Variants in METTL21C observed in about 807,000 individuals in gnomAD.
METTL21C encodes protein-lysine methyltransferase METTL21C.
METTL21C carries 21 observed loss-of-function variants against 25.9 expected under a neutral mutation model. That is an observed-to-expected ratio of 0.81 (90% CI 0.58 to 1.17). The LOEUF (loss-of-function observed/expected upper bound fraction) is 1.17. Ranked by LOEUF, METTL21C falls within the 50% of genes most tolerant of loss-of-function variation. METTL21C has a pLI of 0.00. For missense variants in METTL21C, 312 were observed against 315.1 expected, an observed-to-expected ratio of 0.99 and a Z score of 0.07; for synonymous variants, 125 against 124.7, an observed-to-expected ratio of 1.00 and a Z score of -0.01.
At chr13:102,693,023 C>T (rs1460427082) in intron 1 of METTL21C, among the ~76,000 whole-genome samples, 3 of 152,222 alleles carry the variant, frequency 2.0e-5, no homozygotes, top group East Asian at 3.9e-4. Context: ...GGGGAAGAAG[C>T]GGTGATTGAC....
chr13:102,693,676 C>A (rs1240018893), intron 1 of METTL21C, among the ~76,000 whole-genome samples: 1 of 152,186 alleles, frequency 6.6e-6, no homozygotes, highest in Non-Finnish European at 1.5e-5. Context: ...GGTTCTACAA[C>A]GATAAAGAAA....
At chr13:102,695,684 A>G (rs564016600), upstream of METTL21C, among the ~76,000 whole-genome samples, 1 of 152,264 alleles carries the variant, frequency 6.6e-6, no homozygotes, top group South Asian at 2.1e-4. Flanking sequence ...GGTCCCATGT[A>G]AATCACCTTT....
chr13:102,686,176 G>A lies in METTL21C; in HGVS notation c.650C>T (p.Thr217Met), dbSNP rs771871190. 20 of 1,614,072 alleles carry A rather than the reference G, an allele frequency of 1.2e-5. No individual in the cohort carries two copies. The highest frequency in any genetic ancestry group is 2.2e-5 in the South Asian group (2 of 91,084). ...GAATTTGTTTGCCCAAAGCAGCACC[G>A]TCCCTGGCTGGGAAAGGTACACCAT... ...TTMVYLSQPG[T>M]VLLWANKFRF... Residue 217 changes from threonine (T) to methionine (M), a missense_variant, in exon 4 of 4, where the codon ACG (threonine) becomes ATG (methionine). Physicochemically the swap from Thr to Met is moderately conservative, Grantham distance 81. Coordinates refer to ENST00000267273, the MANE Select transcript of METTL21C (RefSeq NM_001010977.3).
At chr13:102,702,334 A>G in the METTL21C span, among the ~76,000 whole-genome samples, 1 of 152,252 alleles carries the variant, frequency 6.6e-6, no homozygotes, top group African/African-American at 2.4e-5. Context: ...AATGGAGGAA[A>G]ATTACAAAGA....
the METTL21C span, among the ~76,000 whole-genome samples, chr13:102,700,170 G>A: frequency 6.6e-6 from 1 of 152,182 alleles, no homozygotes; most frequent in Non-Finnish European, 1.5e-5. Context: ...AAACAGCAGT[G>A]AAGTTATAGT....
rs1223744126 is a variant in METTL21C, at chr13:102,694,991, A to T, written c.-493T>A. Among the ~76,000 whole-genome samples the T allele has an allele frequency of 6.6e-6, 1 of 152,128 alleles. No homozygotes were observed. Among genetic ancestry groups the T allele is most frequent in the Non-Finnish European group, 1.5e-5 (1 of 68,028 alleles). Reference sequence around the variant, plus strand: ...AAAGTTTCAGGAATATCACTGGAACAGAACAGAGGCTGCCCCTGTGGCATC... The same window carrying T: ...AAAGTTTCAGGAATATCACTGGAACTGAACAGAGGCTGCCCCTGTGGCATC... On this transcript the variant is annotated 5_prime_UTR_variant, in exon 1 of 4. Transcript: ENST00000267273.
intron 3 of METTL21C, among the ~76,000 whole-genome samples, 175 bp downstream of exon 3, chr13:102,686,765 A>G (rs570960535): frequency 6.6e-6 from 1 of 152,176 alleles, no homozygotes; most frequent in Non-Finnish European, 1.5e-5. Flanking sequence ...AACCTCTCTG[A>G]GACTCAATGA....
intron 1 of METTL21C, among the ~76,000 whole-genome samples, chr13:102,693,022 G>T (rs1260830060): frequency 6.6e-6 from 1 of 152,180 alleles, no homozygotes; most frequent in Non-Finnish European, 1.5e-5. Flanking sequence ...AGGGGAAGAA[G>T]CGGTGATTGA....
upstream of METTL21C, among the ~76,000 whole-genome samples, chr13:102,699,079 C>G (rs754966103): frequency 6.6e-6 from 1 of 152,154 alleles, no homozygotes; most frequent in Non-Finnish European, 1.5e-5. Context: ...AGCCTTGCAC[C>G]AAACCACGAA....
upstream of METTL21C, among the ~76,000 whole-genome samples, chr13:102,696,630 C>T (rs921040560): frequency 6.6e-6 from 1 of 152,096 alleles, no homozygotes; most frequent in East Asian, 1.9e-4. Flanking sequence ...TGGAGCTAGA[C>T]CACGGTAGAT....
Position 102,690,963 on chromosome 13 carries a change from T to C in METTL21C, c.132A>G (p.Glu44=). Residue 44 remains glutamate, a splice_region_variant and synonymous_variant, in exon 2 of 4, where the codon GAA becomes GAG. Transcript: ENST00000267273. ...GAAGAGATGGTTCTATCTTGTTGGA[T>C]TCTGTGAAGCAGAAAAATAAAATGG... The part of the protein sequence containing the change: ...QKDSTGGVLE[E]SNKIEPSLHS... 1 of 1,613,582 alleles carries C rather than the reference T, an allele frequency of 6.2e-7. No homozygotes were observed. Among genetic ancestry groups the C allele is most frequent in the South Asian group, 1.1e-5 (1 of 90,884 alleles).
At chr13:102,692,333 T>C (rs1432157401) in intron 1 of METTL21C, among the ~76,000 whole-genome samples, 1 of 152,120 alleles carries the variant, frequency 6.6e-6, no homozygotes, top group Non-Finnish European at 1.5e-5. Context: ...ACTCATTCCA[T>C]ACACACTGGA....
Position 102,694,376 on chromosome 13 carries a change from G to A in METTL21C, c.123C>T (p.Val41=), listed in dbSNP as rs759482632. ...GAPQKDSTGG[V]LEESNKIEPS... ...GATGAAGAAGGAGGTTACCTTCTAG[G>A]ACTCCCCCGGTGCTGTCTTTCTGCG... The change falls in exon 1 of 4, where the codon GTC becomes GTT. Residue 41 remains valine, a synonymous_variant. Transcript: ENST00000267273. 1.2e-6 allele frequency: 2 copies of A among 1,602,832 alleles called. No homozygotes were observed. The highest frequency in any genetic ancestry group is 2.2e-5 in the South Asian group (2 of 90,770).
intron 1 of METTL21C, among the ~76,000 whole-genome samples, chr13:102,692,126 G>A (rs1219785382): frequency 6.6e-6 from 1 of 152,132 alleles, no homozygotes; most frequent in East Asian, 1.9e-4. Context: ...GTTTAACCGG[G>A]GGTCAAATAT....
At chr13:102,703,579 G>C in the METTL21C span, among the ~76,000 whole-genome samples, 3 of 152,228 alleles carry the variant, frequency 2.0e-5, no homozygotes, top group Non-Finnish European at 4.4e-5. Context: ...TTCTGTTAAA[G>C]GAAACATTAT....
chr13:102,686,789 C>G (rs960829045), intron 3 of METTL21C, 151 bp downstream of exon 3: 2 of 644,524 alleles, frequency 3.1e-6, no homozygotes, highest in African/African-American at 3.7e-5. Context: ...CTGTAGATAA[C>G]AGCAGTAATT....
chr13:102,692,389 G>A (rs1299486547), intron 1 of METTL21C, among the ~76,000 whole-genome samples: 1 of 152,190 alleles, frequency 6.6e-6, no homozygotes, highest in Non-Finnish European at 1.5e-5. Context: ...CAGCTCCACA[G>A]TAAGTAGAGG....
chr13:102,702,051 C>G, the METTL21C span, among the ~76,000 whole-genome samples: 1 of 151,948 alleles, frequency 6.6e-6, no homozygotes, highest in African/African-American at 2.4e-5. Context: ...GTAGTCCCAG[C>G]TCCTCTGGAG....
At chr13:102,698,407 T>G (rs1404918179), upstream of METTL21C, among the ~76,000 whole-genome samples, 1 of 152,220 alleles carries the variant, frequency 6.6e-6, no homozygotes, top group Non-Finnish European at 1.5e-5. Context: ...GTTTGTCTGT[T>G]GTCTTAGAAT....
Sources: allele counts gnomAD v4.1 joint callset (sites outside exome capture counted in the v4.1 genomes callset), GRCh38; gene constraint gnomAD v4.1.1; transcripts MANE v1.5; gene names NCBI Gene and HGNC (gene_info 2026-07-23, HGNC 2026-07-21).